The following MGAT5 variants were observed in gnomAD, a reference collection of about 807,000 sequenced individuals.
MGAT5 encodes the protein alpha-1,6-mannosylglycoprotein 6-beta-N-acetylglucosaminyltransferase A.
In MGAT5, 30 loss-of-function variants were observed where a neutral mutation model predicts 94.3. That is an observed-to-expected ratio of 0.32 (90% CI 0.24 to 0.43). The LOEUF is 0.43. Ranked by LOEUF, MGAT5 falls within the 20% of genes least tolerant of loss-of-function variation. The pLI, the probability that MGAT5 is intolerant of heterozygous loss-of-function variation, is 1.00. For missense variants in MGAT5, 691 were observed against 905.5 expected (o/e 0.76, Z 3.04); for synonymous variants, 310 against 322.9 (o/e 0.96, Z 0.43).
intron 1 of MGAT5, among the ~76,000 whole-genome samples, chr2:134,229,783 C>T (rs541083601): frequency 2.4e-4 from 37 of 152,100 alleles, no homozygotes; most frequent in African/African-American, 7.7e-4. Context: ...GTAAGAGACC[C>T]GTATTTAGAA....
At chr2:134,122,970 G>A (rs182347191) in intron 1 of MGAT5, among the ~76,000 whole-genome samples, 1 of 152,344 alleles carries the variant, frequency 6.6e-6, no homozygotes, top group East Asian at 1.9e-4. Context: ...GTTTGGAAGT[G>A]TGAATATAGT....
chr2:134,336,353 T>C (rs1357791944), intron 5 of MGAT5, 65 bp downstream of exon 5: 4 of 1,341,462 alleles, frequency 3.0e-6, no homozygotes, highest in Non-Finnish European at 4.2e-6. Context: ...GTGATACATG[T>C]GGAATCTTCT....
intron 1 of MGAT5, among the ~76,000 whole-genome samples, chr2:134,175,528 C>A (rs972065686): frequency 6.6e-6 from 1 of 152,162 alleles, no homozygotes; most frequent in Non-Finnish European, 1.5e-5. Flanking sequence ...TCACTGCCAT[C>A]TATTTCCCCT....
intron 1 of MGAT5, among the ~76,000 whole-genome samples, chr2:134,237,034 A>G (rs1302915385): frequency 6.6e-6 from 1 of 152,146 alleles, no homozygotes; most frequent in Admixed American, 6.5e-5. Flanking sequence ...TTCTAAACTA[A>G]CAAATGTGCT....
chr2:134,231,736 G>C (rs1681372940), intron 1 of MGAT5, among the ~76,000 whole-genome samples: 1 of 152,196 alleles, frequency 6.6e-6, no homozygotes, highest in Non-Finnish European at 1.5e-5. Context: ...TCTACCCACT[G>C]GAGGTATTTG....
At chr2:134,167,358 G>A (rs893780106) in intron 1 of MGAT5, among the ~76,000 whole-genome samples, 1 of 152,246 alleles carries the variant, frequency 6.6e-6, no homozygotes, top group Non-Finnish European at 1.5e-5. Flanking sequence ...GCTGTCTGAA[G>A]TAATGGCCCA....
chr2:134,132,886 A>C (rs1285890382), intron 1 of MGAT5, among the ~76,000 whole-genome samples: 4 of 152,222 alleles, frequency 2.6e-5, no homozygotes, highest in Non-Finnish European at 5.9e-5. Flanking sequence ...TTGCCATCTA[A>C]CATTACACCC....
At chr2:134,308,793 G>A (rs561074981) in intron 2 of MGAT5, among the ~76,000 whole-genome samples, 1 of 152,268 alleles carries the variant, frequency 6.6e-6, no homozygotes, top group African/African-American at 2.4e-5. Context: ...CCAGCACTTT[G>A]GAAGGCTGAG....
At chr2:134,328,899 T>C (rs867641469) in intron 4 of MGAT5, among the ~76,000 whole-genome samples, 1 of 151,776 alleles carries the variant, frequency 6.6e-6, no homozygotes, top group Non-Finnish European at 1.5e-5. Context: ...GAGTGAGGCA[T>C]GGAACACTCT....
At chr2:134,319,401 A>G (rs917490365) in intron 4 of MGAT5, among the ~76,000 whole-genome samples, 4 of 152,148 alleles carry the variant, frequency 2.6e-5, no homozygotes, top group Non-Finnish European at 1.5e-5. Context: ...GTATAAAGAG[A>G]GTCAATATCA....
At chr2:134,167,816 C>G (rs1688028476) in intron 1 of MGAT5, among the ~76,000 whole-genome samples, 1 of 152,194 alleles carries the variant, frequency 6.6e-6, no homozygotes, top group Non-Finnish European at 1.5e-5. Flanking sequence ...TTTGGATAAG[C>G]TTTGGCTACA....
chr2:134,243,746 C>T (rs72846766), intron 1 of MGAT5, among the ~76,000 whole-genome samples: 83 of 152,190 alleles, frequency 5.5e-4, no homozygotes, highest in South Asian at 3.9e-3. Context: ...TTTTTTTAAC[C>T]AAATCAGATT....
chr2:134,187,946 G>T (rs1357963378), intron 1 of MGAT5, among the ~76,000 whole-genome samples: 1 of 152,230 alleles, frequency 6.6e-6, no homozygotes, highest in African/African-American at 2.4e-5. Context: ...GCCGTGGAGA[G>T]ATTCCGCCTG....
intron 15 of MGAT5, among the ~76,000 whole-genome samples, chr2:134,448,438 C>T (rs1574126158): frequency 6.6e-6 from 1 of 152,226 alleles, no homozygotes; most frequent in African/African-American, 2.4e-5. Flanking sequence ...CACCCCTGCA[C>T]ACACTCCCTG....
chr2:134,363,421 C>T (rs1378561145), intron 10 of MGAT5, among the ~76,000 whole-genome samples: 2 of 152,224 alleles, frequency 1.3e-5, no homozygotes, highest in African/African-American at 4.8e-5. Flanking sequence ...CAGCCCATCT[C>T]CAGGGAGGCA....
At chr2:134,155,024 C>G (rs1364225534) in intron 1 of MGAT5, among the ~76,000 whole-genome samples, 1 of 152,188 alleles carries the variant, frequency 6.6e-6, no homozygotes, top group East Asian at 1.9e-4. Flanking sequence ...TGTTTTGGGT[C>G]AGTCCTGCAG....
At chr2:134,143,803 T>C (rs1686771965) in intron 1 of MGAT5, among the ~76,000 whole-genome samples, 1 of 152,190 alleles carries the variant, frequency 6.6e-6, no homozygotes, top group Non-Finnish European at 1.5e-5. Flanking sequence ...ATCTTTCTGG[T>C]ACTATTGAAC....
chr2:134,406,235 CACTG>C (rs1489719940), intron 11 of MGAT5, among the ~76,000 whole-genome samples: 8 of 152,214 alleles, frequency 5.3e-5, no homozygotes, highest in African/African-American at 1.9e-4. Context: ...ATCTGCAACT[CACTG>C]AGTGCTTTGT....
intron 2 of MGAT5, among the ~76,000 whole-genome samples, chr2:134,309,736 G>T (rs1686539881): frequency 6.6e-6 from 1 of 152,126 alleles, no homozygotes; most frequent in African/African-American, 2.4e-5. Context: ...TGATGTTGTG[G>T]CTGTGTGTAT....
Sources: gnomAD v4.1 joint callset for allele counts (sites outside exome capture counted in the v4.1 genomes callset) on GRCh38, gnomAD v4.1.1 for gene constraint, MANE v1.5 for transcripts, NCBI Gene and HGNC (gene_info 2026-07-23, HGNC 2026-07-21) for gene names.